The following SPTB variants were observed in gnomAD, a reference collection of about 807,000 sequenced individuals.
SPTB encodes spectrin beta chain, erythrocytic.
A neutral mutation model predicts 256.2 loss-of-function variants in SPTB; 45 were observed. The observed-to-expected ratio is 0.18, with a 90% CI of 0.14 to 0.23. The LOEUF (loss-of-function observed/expected upper bound fraction) is 0.23, where lower values mean the gene tolerates loss of function less well. Ranked by LOEUF, SPTB falls within the 10% of genes least tolerant of loss-of-function variation. The pLI is 1.00. For synonymous variants in SPTB, 1,231 were observed against 1,243.1 expected (o/e 0.99, Z 0.21); for missense variants, 2,715 against 3,040.4 (o/e 0.89, Z 2.52).
chr14:64,840,859 G>T (rs1040609326), intron 1 of SPTB, among the ~76,000 whole-genome samples: 13 of 152,180 alleles, frequency 8.5e-5, no homozygotes, highest in Non-Finnish European at 1.3e-4. Flanking sequence ...TGCTGCTATT[G>T]CCATACAAGA....
chr14:64,839,948 G>C (rs1004479005), intron 1 of SPTB, among the ~76,000 whole-genome samples: 1 of 152,188 alleles, frequency 6.6e-6, no homozygotes, highest in Non-Finnish European at 1.5e-5. Flanking sequence ...TGAGTTGGGT[G>C]CTGATAAAAG....
intron 2 of SPTB, among the ~76,000 whole-genome samples, chr14:64,821,643 G>A (rs140816206): frequency 2.6e-5 from 4 of 152,318 alleles, no homozygotes; most frequent in East Asian, 1.9e-4. Flanking sequence ...ATGGGTCACC[G>A]TTATGGTCCG....
chr14:64,764,464 G>C lies in SPTB; in HGVS notation c.6345+2262C>G, dbSNP rs1030511934. Among the ~76,000 whole-genome samples, 1 of 152,120 alleles carries C rather than the reference G, an allele frequency of 6.6e-6. No homozygotes were observed. Among genetic ancestry groups the C allele is most frequent in the Admixed American group, 6.5e-5 (1 of 15,292 alleles). On this transcript the variant is annotated intron_variant, in intron 32 of 35. Coordinates refer to ENST00000644917, the MANE Select transcript of SPTB (RefSeq NM_001355436.2). This position sits in a 1 kb window ranked among gnomAD's most constrained non-coding sequence, Gnocchi z 4.2. ...TCTTTCCGGTACCGGGCACAAGCCA[G>C]TCTTCCCATCTGCTGGAGTGGCTGG...
intron 9 of SPTB, 22 bp from the exon 10 acceptor site, chr14:64,797,868 G>A: frequency 6.3e-7 from 1 of 1,595,892 alleles, no homozygotes; most frequent in Non-Finnish European, 8.6e-7. Flanking sequence ...ACAGAAGTAG[G>A]AAGACTGATG....
intron 20 of SPTB, 45 bp downstream of exon 20, chr14:64,782,245 A>G (rs1443328635): frequency 1.9e-6 from 3 of 1,613,880 alleles, no homozygotes; most frequent in South Asian, 2.2e-5. Flanking sequence ...GGCTTCCACT[A>G]TCCCTTCTAT....
At position 64,795,037 on chromosome 14, in the gene SPTB, G is replaced by A. The variant is rs143848585; in HGVS notation, c.1644+300C>T. Among the ~76,000 whole-genome samples, 5 of 152,200 alleles carry A rather than the reference G, an allele frequency of 3.3e-5. No individual in the cohort carries two copies. Among genetic ancestry groups the A allele is most frequent in the African/African-American group, 9.7e-5 (4 of 41,446 alleles). On this transcript the variant is annotated intron_variant, in intron 12 of 35. Transcript: ENST00000644917. The surrounding 1 kb of genome is among the most constrained non-coding windows in gnomAD (Gnocchi z 6.5). ...AATTACTAAGAGCTTGATTCTCCAGGTTCCTGATTAATGTCTGTCTCTTCA... is the reference window on the plus strand; with the variant it reads ...AATTACTAAGAGCTTGATTCTCCAGATTCCTGATTAATGTCTGTCTCTTCA...
intron 1 of SPTB, among the ~76,000 whole-genome samples, chr14:64,834,297 G>A (rs2083489182): frequency 1.3e-5 from 2 of 152,020 alleles, no homozygotes; most frequent in South Asian, 4.1e-4. Flanking sequence ...AAAGTGCTGG[G>A]ATTACAGTTG....
At chr14:64,751,892 A>C (rs2081954842) in intron 33 of SPTB, among the ~76,000 whole-genome samples, 1 of 143,436 alleles carries the variant, frequency 7.0e-6, no homozygotes, top group Non-Finnish European at 1.5e-5. Context: ...GACCAGCCTG[A>C]CCAACAAGGT....
In SPTB at chr14:64,807,687, T is replaced by C. The variant is rs1247591102; in HGVS notation, c.149-2597A>G. ...TGGCTCCAGCCGCCTGGCATTGGCATGCTCAGCACATTCACTCCCGCACAG... is the reference window on the plus strand; with the variant it reads ...TGGCTCCAGCCGCCTGGCATTGGCACGCTCAGCACATTCACTCCCGCACAG... On this transcript the variant is annotated intron_variant, in intron 2 of 35. Coordinates refer to ENST00000644917, the MANE Select transcript of SPTB (RefSeq NM_001355436.2). This position sits in a 1 kb window ranked among gnomAD's most constrained non-coding sequence, Gnocchi z 4.7. Among the ~76,000 whole-genome samples the C allele has an allele frequency of 6.6e-6, 1 of 152,266 alleles. No individual in the cohort carries two copies. The highest frequency in any genetic ancestry group is 2.4e-5 in the African/African-American group (1 of 41,466).
rs942386719 is a variant in SPTB, at chr14:64,825,524, G to A, written c.-51-2379C>T. 6.6e-6 allele frequency among the ~76,000 whole-genome samples: 1 copy of A among 151,914 alleles called. No individual in the cohort carries two copies. The highest frequency in any genetic ancestry group is 1.5e-5 in the Non-Finnish European group (1 of 67,982). ...TGACTTGGTCTCTGAGCCAGAGAGG[G>A]ACTGACAGGCTGACCACCTCCTGCA... On this transcript the variant is annotated intron_variant, in intron 1 of 35. Transcript: ENST00000644917. The surrounding 1 kb of genome is among the most constrained non-coding windows in gnomAD (Gnocchi z 4.8).
At position 64,866,122 on chromosome 14, in the gene SPTB, G is replaced by A. The variant is rs966562112; in HGVS notation, c.-52+13670C>T. On this transcript the variant is annotated intron_variant, in intron 1 of 35. Transcript: ENST00000644917. The surrounding 1 kb of genome is among the most constrained non-coding windows in gnomAD (Gnocchi z 4.6). ...ATAAGACTGTTCACTCAAAGAGCAT[G>A]CAGTGAGGCCACTAACTAGTAGTCA... Among the ~76,000 whole-genome samples the A allele has an allele frequency of 2.0e-5, 3 of 152,202 alleles. No individual in the cohort carries two copies. Among genetic ancestry groups the A allele is most frequent in the African/African-American group, 7.2e-5 (3 of 41,446 alleles).
chr14:64,819,109 C>T (rs373744279), intron 2 of SPTB, among the ~76,000 whole-genome samples: 1 of 152,184 alleles, frequency 6.6e-6, no homozygotes, highest in African/African-American at 2.4e-5. Flanking sequence ...AATCCACCCC[C>T]TTACAGGAGC....
rs573618187 is a variant in SPTB, at chr14:64,826,541, G to A, written c.-51-3396C>T. On this transcript the variant is annotated intron_variant, in intron 1 of 35. Transcript: ENST00000644917. The surrounding 1 kb of genome is among the most constrained non-coding windows in gnomAD (Gnocchi z 4.4). ...TCTAGAGTGGCCTTCCATGAGTCAC[G>A]GAGGACCGCAAATACATGGCTAAAA... Among the ~76,000 whole-genome samples, 12 of 152,226 alleles carry A rather than the reference G, an allele frequency of 7.9e-5. No individual in the cohort carries two copies. The highest frequency in any genetic ancestry group is 6.2e-4 in the South Asian group (3 of 4,810).
chr14:64,774,562 G>C (rs751918064), intron 23 of SPTB, 35 bp from the exon 24 acceptor site: 4 of 1,551,420 alleles, frequency 2.6e-6, no homozygotes, highest in Non-Finnish European at 3.5e-6. Flanking sequence ...CCAGAGCTCA[G>C]TCTGGCCATG....
At chr14:64,818,158 C>T (rs1281723218) in intron 2 of SPTB, among the ~76,000 whole-genome samples, 1 of 152,190 alleles carries the variant, frequency 6.6e-6, no homozygotes, top group Non-Finnish European at 1.5e-5. Context: ...TTCTGTGCAC[C>T]TGGTTTTAAA....
chr14:64,777,737 T>C lies in SPTB; in HGVS notation c.4563+1420A>G, dbSNP rs1426869459. 1.3e-5 allele frequency among the ~76,000 whole-genome samples: 2 copies of C among 152,172 alleles called. No individual in the cohort carries two copies. Among genetic ancestry groups the C allele is most frequent in the Non-Finnish European group, 2.9e-5 (2 of 68,038 alleles). On this transcript the variant is annotated intron_variant, in intron 22 of 35. Coordinates refer to ENST00000644917, the MANE Select transcript of SPTB (RefSeq NM_001355436.2). The surrounding 1 kb of genome is among the most constrained non-coding windows in gnomAD (Gnocchi z 4.5). Reference sequence around the variant, plus strand: ...GTTGCATATTGGAGTTTGACAACCATTGCAACAGAGGGTTTTAGGTGAGGA... The same window carrying C: ...GTTGCATATTGGAGTTTGACAACCACTGCAACAGAGGGTTTTAGGTGAGGA...
intron 1 of SPTB, among the ~76,000 whole-genome samples, chr14:64,829,386 T>C (rs1245012126): frequency 6.6e-6 from 1 of 152,132 alleles, no homozygotes; most frequent in East Asian, 1.9e-4. Flanking sequence ...GATGTAATAA[T>C]CAAATATAAT....
chr14:64,801,138 C>A, intron 7 of SPTB, 147 bp downstream of exon 7: 1 of 714,688 alleles, frequency 1.4e-6, no homozygotes, highest in Admixed American at 2.2e-5. Flanking sequence ...AGATCAGAGC[C>A]TGGCCTGGCC....
chr14:64,786,630 C>G lies in SPTB; in HGVS notation c.3335G>C (p.Gly1112Ala), dbSNP rs748367584. Residue 1112 changes from glycine to alanine, a missense_variant, in exon 16 of 36, where the codon GGG becomes GCG. By Grantham distance (60) the Gly-to-Ala change is moderately conservative (BLOSUM62 0). Around this residue, in one of 4 missense-constraint regions of SPTB, gnomAD observed 2,239 missense variants for 2,384.4 expected, o/e 0.94. Transcript: ENST00000644917. This position sits in a 1 kb window ranked among gnomAD's most constrained non-coding sequence, Gnocchi z 5.6. Reference protein sequence around the residue: ...QHAGIKDEIDGHQDSYQRVKE... With the variant: ...QHAGIKDEIDAHQDSYQRVKE... ...AACACGCTGGTAGCTGTCTTGGTGC[C>G]CGTCAATCTCATCCTTGATACCTGC... The G allele has an allele frequency of 1.2e-6, 2 of 1,614,008 alleles. No homozygotes were observed. The highest frequency in any genetic ancestry group is 1.7e-6 in the Non-Finnish European group (2 of 1,180,022).
Sources: allele counts gnomAD v4.1 joint callset (sites outside exome capture counted in the v4.1 genomes callset), GRCh38; gene constraint gnomAD v4.1.1; regional missense constraint gnomAD v4.1.1; non-coding constraint Gnocchi (gnomAD v3.1); transcripts MANE v1.5; gene names NCBI Gene and HGNC (gene_info 2026-07-23, HGNC 2026-07-21).